Variants in HELLS observed in about 807,000 individuals in gnomAD.
The protein encoded by HELLS is lymphoid-specific helicase.
HELLS carries 32 observed loss-of-function variants against 120.0 expected under a neutral mutation model. The observed-to-expected ratio is 0.27, with a 90% CI of 0.20 to 0.36. HELLS has a LOEUF of 0.36. HELLS is among the 10% of genes least tolerant of loss of function. HELLS has a pLI of 1.00. For missense variants in HELLS, 650 were observed against 993.4 expected (o/e 0.65, Z 4.65); for synonymous variants, 341 against 323.4 (o/e 1.05, Z -0.58).
chr10:94,606,149 C>A (rs1327554936), downstream of HELLS, among the ~76,000 whole-genome samples: 1 of 148,220 alleles, frequency 6.7e-6, no homozygotes, highest in East Asian at 2.0e-4. Context: ...AGTTATCTTT[C>A]CCCCTATGTC....
rs115105526 is a variant in HELLS, at chr10:94,545,827, C to T, written c.-95C>T. 7.6e-5 allele frequency: 107 copies of T among 1,401,738 alleles called. No homozygotes were observed. The African/African-American group carries it at 1.4e-3, about 18-fold the overall frequency. 86.8% of individuals were successfully genotyped at this position (1,401,738 alleles called of 1,614,324 possible). A position where few individuals can be genotyped will look rare whatever the true frequency, so the allele number is the denominator to read the frequency against. On this transcript the variant is annotated 5_prime_UTR_variant, in exon 1 of 22. Coordinates refer to ENST00000348459, the MANE Select transcript of HELLS (RefSeq NM_018063.5). ...CTTTTTTCCCTGGCGGGGGATTTGG[C>T]TAGAAGGCTGGGCCGGCAGCGGTTG... is the stretch of plus-strand genomic sequence containing the variant.
chr10:94,558,702 C>T (rs1171300138), intron 4 of HELLS, among the ~76,000 whole-genome samples: 3 of 151,830 alleles, frequency 2.0e-5, no homozygotes, highest in East Asian at 1.9e-4. Flanking sequence ...CCCGGGTTCA[C>T]GCCATTCTCC....
chr10:94,583,965 C>G (rs1402185926), intron 12 of HELLS: 1 of 549,920 alleles, frequency 1.8e-6, no homozygotes, highest in Non-Finnish European at 3.3e-6. Context: ...TACACCTTTG[C>G]CCATTTCTGG....
At chr10:94,571,806 C>A (rs1472008939) in intron 7 of HELLS, among the ~76,000 whole-genome samples, 2 of 152,136 alleles carry the variant, frequency 1.3e-5, no homozygotes, top group African/African-American at 4.8e-5. Context: ...TTTTAAGTTT[C>A]TTAAAAGTTC....
At chr10:94,565,657 T>TCC (rs1319012599) in intron 6 of HELLS, among the ~76,000 whole-genome samples, 1 of 152,210 alleles carries the variant, frequency 6.6e-6, no homozygotes, top group African/African-American at 2.4e-5. Flanking sequence ...ACCATTGCAC[T>TCC]CCAGCCTGGG....
rs184673469 is a variant in HELLS, at chr10:94,598,018, T to A, written c.2422+907T>A. On this transcript the variant is annotated intron_variant, in intron 21 of 21. Transcript: ENST00000348459. Reference sequence around the variant, plus strand: ...ATATATTGCTTCTTTTTTTTTTTTTTATCAGTTTTTAGAATACCACCTTAT... The same window carrying A: ...ATATATTGCTTCTTTTTTTTTTTTTAATCAGTTTTTAGAATACCACCTTAT... 3.3e-3 allele frequency among the ~76,000 whole-genome samples: 501 copies of A among 151,384 alleles called. 3 individuals carry two copies. Among genetic ancestry groups the A allele is most frequent in the African/African-American group, 0.011 (442 of 41,052 alleles).
intron 9 of HELLS, among the ~76,000 whole-genome samples, chr10:94,575,368 G>A (rs2134056800): frequency 6.6e-6 from 1 of 151,430 alleles, no homozygotes. Flanking sequence ...CAAAGTACTG[G>A]GATTATAGAC....
intron 10 of HELLS, among the ~76,000 whole-genome samples, chr10:94,577,998 G>T (rs1844596223): frequency 6.6e-6 from 1 of 150,434 alleles, no homozygotes; most frequent in South Asian, 2.1e-4. Flanking sequence ...GGGAAGCGGA[G>T]CTTGCAGTGA....
intron 17 of HELLS, among the ~76,000 whole-genome samples, chr10:94,593,120 T>C (rs2134115141): frequency 6.6e-6 from 1 of 152,346 alleles, no homozygotes; most frequent in South Asian, 2.1e-4. Context: ...AATTTATACC[T>C]AACCCCTATT....
intron 3 of HELLS, among the ~76,000 whole-genome samples, chr10:94,555,855 G>A (rs1295011958): frequency 6.6e-6 from 1 of 152,146 alleles, no homozygotes. Context: ...TGGAACTCCT[G>A]GGCTCAAGTG....
chr10:94,573,972 TCCTCTA>T lies in HELLS; in HGVS notation c.492_497del (p.Ser165_Thr166del). 1 of 1,601,406 alleles carries T rather than the reference TCCTCTA, an allele frequency of 6.2e-7. No individual in the cohort carries two copies. Among genetic ancestry groups the T allele is most frequent in the East Asian group, 2.2e-5 (1 of 44,792 alleles). ...TTTTTCTCTACAGGATGAAAACTCC[TCCTCTA>T]CTAATCTCTGTGTGGAAGATCTTCA... On this transcript the variant is annotated inframe_deletion, in exon 8 of 22. Coordinates refer to ENST00000348459, the MANE Select transcript of HELLS (RefSeq NM_018063.5).
At chr10:94,581,663 A>G in intron 11 of HELLS, 141 bp downstream of exon 11, 1 of 523,690 alleles carries the variant, frequency 1.9e-6, no homozygotes, top group Non-Finnish European at 3.3e-6. Context: ...TACTCCTGCC[A>G]CAAATTATGT....
intron 2 of HELLS, among the ~76,000 whole-genome samples, chr10:94,549,533 G>A (rs921003832): frequency 6.6e-6 from 1 of 152,266 alleles, no homozygotes; most frequent in East Asian, 1.9e-4. Flanking sequence ...TTGGAGTCAG[G>A]AGATTTCTTG....
At chr10:94,570,657 A>G (rs542107948) in intron 6 of HELLS, 2 of 151,928 alleles carry the variant, frequency 1.3e-5, no homozygotes, top group South Asian at 2.1e-4. Flanking sequence ...TAAGATAATT[A>G]TTTGCTAAGT....
chr10:94,597,576 A>G (rs1461762912), intron 21 of HELLS, among the ~76,000 whole-genome samples: 2 of 152,154 alleles, frequency 1.3e-5, no homozygotes, highest in Non-Finnish European at 2.9e-5. Flanking sequence ...CCTGTCGCCC[A>G]GGCTGGAGTG....
downstream of HELLS, among the ~76,000 whole-genome samples, chr10:94,604,623 A>G (rs1846107384): frequency 6.6e-6 from 1 of 151,528 alleles, no homozygotes. Flanking sequence ...CATTCCTACC[A>G]CCTCTCACCA....
intron 12 of HELLS, among the ~76,000 whole-genome samples, chr10:94,585,751 G>A (rs953345571): frequency 6.6e-6 from 1 of 150,974 alleles, no homozygotes; most frequent in Admixed American, 6.6e-5. Flanking sequence ...GAGTAGTGGT[G>A]CCATCGTTGG....
chr10:94,546,545 C>A (rs1236861996), intron 2 of HELLS, 47 bp downstream of exon 2: 2 of 1,610,064 alleles, frequency 1.2e-6, no homozygotes, highest in Non-Finnish European at 1.7e-6. Context: ...GTGGTAACCT[C>A]GGCTTTAACC....
At chr10:94,553,904 A>G (rs983968262) in intron 2 of HELLS, among the ~76,000 whole-genome samples, 7 of 152,162 alleles carry the variant, frequency 4.6e-5, no homozygotes, top group African/African-American at 9.7e-5. Flanking sequence ...CCATGTGTTC[A>G]ATATTTGAAA....
Sources: allele counts gnomAD v4.1 joint callset (sites outside exome capture counted in the v4.1 genomes callset), GRCh38; gene constraint gnomAD v4.1.1; transcripts MANE v1.5; gene names NCBI Gene and HGNC (gene_info 2026-07-23, HGNC 2026-07-21).